CACNA2D1: variants seen among roughly 807,000 people sequenced by gnomAD.
CACNA2D1 encodes the protein voltage-dependent calcium channel subunit alpha-2/delta-1.
CACNA2D1 carries 53 observed loss-of-function variants against 171.5 expected under a neutral mutation model. The observed-to-expected ratio is 0.31, with a 90% CI of 0.25 to 0.39. The LOEUF (loss-of-function observed/expected upper bound fraction) is 0.39, where lower values mean the gene tolerates loss of function less well. Ranked by LOEUF, CACNA2D1 falls within the 10% of genes least tolerant of loss-of-function variation. The probability of loss-of-function intolerance (pLI) is 1.00; values close to 1 mark genes in which losing one functional copy is unlikely to be tolerated. For missense variants in CACNA2D1, 903 were observed against 1,299.8 expected (o/e 0.69, Z 4.69); for synonymous variants, 442 against 443.1 (o/e 1.00, Z 0.03).
intron 1 of CACNA2D1, among the ~76,000 whole-genome samples, chr7:82,416,583 A>G (rs1828190642): frequency 6.6e-6 from 1 of 152,182 alleles, no homozygotes; most frequent in Admixed American, 6.6e-5. Context: ...GTATGGCAGC[A>G]TAACTCCAGC....
intron 3 of CACNA2D1, among the ~76,000 whole-genome samples, chr7:82,305,202 G>C (rs1813567759): frequency 6.6e-6 from 1 of 152,046 alleles, no homozygotes; most frequent in Non-Finnish European, 1.5e-5. Context: ...TTTTGTAAGA[G>C]TCTCATGCAC....
intron 10 of CACNA2D1, among the ~76,000 whole-genome samples, chr7:82,056,007 G>GA (rs1805845422): frequency 6.2e-4 from 12 of 19,322 alleles, no homozygotes; most frequent in African/African-American, 1.9e-3. Flanking sequence ...CTACTCAAAA[G>GA]TTAAAAAAAA....
At chr7:81,952,237 CTAAGAA>C (rs1281877376) in intron 38 of CACNA2D1, among the ~76,000 whole-genome samples, 1 of 151,464 alleles carries the variant, frequency 6.6e-6, no homozygotes, top group Non-Finnish European at 1.5e-5. Context: ...GGTAGATGTT[CTAAGAA>C]TCAAAATAAT....
At chr7:82,089,333 G>A (rs1810856054) in intron 6 of CACNA2D1, among the ~76,000 whole-genome samples, 1 of 152,134 alleles carries the variant, frequency 6.6e-6, no homozygotes, top group Non-Finnish European at 1.5e-5. Context: ...TCTTAGATTA[G>A]GAGTAAAATT....
chr7:82,096,238 T>C (rs973959026), intron 6 of CACNA2D1, among the ~76,000 whole-genome samples: 1 of 152,148 alleles, frequency 6.6e-6, no homozygotes, highest in African/African-American at 2.4e-5. Context: ...AAAAACTTCC[T>C]TAGACAACAC....
At chr7:82,358,331 G>A in intron 1 of CACNA2D1, among the ~76,000 whole-genome samples, 1 of 152,176 alleles carries the variant, frequency 6.6e-6, no homozygotes, top group Non-Finnish European at 1.5e-5. Flanking sequence ...ACATGGATAA[G>A]TATACAATTA....
chr7:82,242,531 A>G (rs1804425714), intron 3 of CACNA2D1, among the ~76,000 whole-genome samples: 1 of 152,106 alleles, frequency 6.6e-6, no homozygotes, highest in Non-Finnish European at 1.5e-5. Flanking sequence ...TACCAGTAAG[A>G]TTTTCTGGCT....
intron 1 of CACNA2D1, among the ~76,000 whole-genome samples, chr7:82,418,885 G>A (rs890382458): frequency 1.3e-5 from 2 of 152,070 alleles, no homozygotes; most frequent in African/African-American, 2.4e-5. Context: ...TTGGGAGGCC[G>A]AGGCAGGCGG....
At chr7:82,145,878 C>T (rs1006626659) in intron 4 of CACNA2D1, among the ~76,000 whole-genome samples, 27 of 144,318 alleles carry the variant, frequency 1.9e-4, no homozygotes, top group East Asian at 2.2e-4. Flanking sequence ...TAATTTATTT[C>T]GCTTACTGGA....
intron 3 of CACNA2D1, among the ~76,000 whole-genome samples, chr7:82,313,513 G>C (rs907360555): frequency 1.3e-5 from 2 of 152,128 alleles, no homozygotes; most frequent in Admixed American, 1.3e-4. Flanking sequence ...TATTATCAGT[G>C]AAGTTTCATC....
In CACNA2D1 at chr7:82,011,595, A is replaced by G. The variant is rs189557062; in HGVS notation, c.1362+559T>C. 6.1e-4 allele frequency among the ~76,000 whole-genome samples: 93 copies of G among 152,302 alleles called. 1 individual carries two copies. Among genetic ancestry groups the G allele is most frequent in the South Asian group, 1.0e-3 (5 of 4,834 alleles). ...TTGATCGCCTCAATGACGTATTTCC[A>G]TAAAAAGTATGAGGTTGAATCTAGC... On this transcript the variant is annotated intron_variant, in intron 15 of 38. Coordinates refer to ENST00000356860, the MANE Select transcript of CACNA2D1 (RefSeq NM_000722.4).
At chr7:82,422,373 T>C (rs1828792147) in intron 1 of CACNA2D1, among the ~76,000 whole-genome samples, 1 of 152,172 alleles carries the variant, frequency 6.6e-6, no homozygotes, top group African/African-American at 2.4e-5. Flanking sequence ...ATAACGTATT[T>C]GTTGTGAGCT....
At chr7:82,321,228 G>A (rs1815806623) in intron 3 of CACNA2D1, among the ~76,000 whole-genome samples, 1 of 151,860 alleles carries the variant, frequency 6.6e-6, no homozygotes, top group Admixed American at 6.6e-5. Flanking sequence ...GTGAAACCCC[G>A]TCTCTACTAA....
At chr7:82,079,452 G>A (rs1158462890) in intron 7 of CACNA2D1, among the ~76,000 whole-genome samples, 1 of 152,116 alleles carries the variant, frequency 6.6e-6, no homozygotes, top group Non-Finnish European at 1.5e-5. Context: ...AGCACTTTGG[G>A]AGGCTGAGGC....
intron 3 of CACNA2D1, among the ~76,000 whole-genome samples, chr7:82,206,211 G>T (rs1799989338): frequency 6.6e-6 from 1 of 151,766 alleles, no homozygotes; most frequent in Non-Finnish European, 1.5e-5. Context: ...TCAATTAACT[G>T]CACTTAGATC....
chr7:82,147,130 A>T (rs894082170), intron 4 of CACNA2D1, among the ~76,000 whole-genome samples: 1 of 151,958 alleles, frequency 6.6e-6, no homozygotes, highest in Non-Finnish European at 1.5e-5. Flanking sequence ...AGCTCGAATA[A>T]GTTAAAAGGT....
At chr7:82,216,859 C>G (rs779802055) in intron 3 of CACNA2D1, among the ~76,000 whole-genome samples, 11 of 140,770 alleles carry the variant, frequency 7.8e-5, no homozygotes, top group Non-Finnish European at 1.5e-4. Flanking sequence ...ACATTCTAAA[C>G]TTGATCTTCA....
At chr7:82,308,924 G>A (rs1210039421) in intron 3 of CACNA2D1, among the ~76,000 whole-genome samples, 2 of 152,210 alleles carry the variant, frequency 1.3e-5, no homozygotes, top group East Asian at 3.9e-4. Flanking sequence ...AATGAAACAG[G>A]TGATCTGAAG....
At chr7:82,313,748 C>G (rs1478869506) in intron 3 of CACNA2D1, among the ~76,000 whole-genome samples, 1 of 152,144 alleles carries the variant, frequency 6.6e-6, no homozygotes, top group Admixed American at 6.5e-5. Flanking sequence ...CGGTTTTCAG[C>G]ATACCTTTAG....
Sources: allele counts gnomAD v4.1 joint callset (sites outside exome capture counted in the v4.1 genomes callset), GRCh38; gene constraint gnomAD v4.1.1; transcripts MANE v1.5; gene names NCBI Gene and HGNC (gene_info 2026-07-23, HGNC 2026-07-21).